The following PDZRN3 variants were observed in gnomAD, a reference collection of about 807,000 sequenced individuals.
PDZRN3 encodes the protein E3 ubiquitin-protein ligase PDZRN3.
Under a neutral mutation model 85.7 loss-of-function variants are expected in PDZRN3, and 38 were observed. That is an observed-to-expected ratio of 0.44 (90% CI 0.34 to 0.58). The LOEUF (loss-of-function observed/expected upper bound fraction) is 0.58. Ranked by LOEUF, PDZRN3 falls within the 20% of genes least tolerant of loss-of-function variation. The pLI is 0.01. For synonymous variants in PDZRN3, 759 were observed against 638.0 expected (o/e 1.19, Z -2.86); for missense variants, 1,629 against 1,506.4 (o/e 1.08, Z -1.35).
At position 73,383,762 on chromosome 3, in the gene PDZRN3, T is replaced by TTGGTGATG. The variant is rs1356578542; in HGVS notation, c.2796_2803dup (p.Lys935ThrfsTer17). 6.2e-7 allele frequency: 1 copy of TTGGTGATG among 1,613,002 alleles called. No individual in the cohort carries two copies. On this transcript the variant is annotated frameshift_variant, in exon 10 of 10. Transcript: ENST00000263666. LOFTEE classifies it high-confidence loss of function. Reference sequence around the variant, plus strand: ...CAGCAGGCGGTCCCGCACGGGCCTCTTGGTGATGTAGCGCGTCCCGTCGCT... The same window carrying TTGGTGATG: ...CAGCAGGCGGTCCCGCACGGGCCTCTTGGTGATGTGGTGATGTAGCGCGTCCCGTCGCT...
chr3:73,502,341 G>A (rs933867076), intron 3 of PDZRN3, among the ~76,000 whole-genome samples: 1 of 152,134 alleles, frequency 6.6e-6, no homozygotes, highest in Non-Finnish European at 1.5e-5. Flanking sequence ...AAAATGATAG[G>A]TTTTTATTTT....
intron 2 of PDZRN3, among the ~76,000 whole-genome samples, chr3:73,602,944 T>C (rs1702537442): frequency 6.6e-6 from 1 of 152,200 alleles, no homozygotes; most frequent in African/African-American, 2.4e-5. Flanking sequence ...TAAACACTGT[T>C]TTCATTTGCT....
chr3:73,599,333 A>G (rs558016421), intron 3 of PDZRN3, among the ~76,000 whole-genome samples: 2 of 152,372 alleles, frequency 1.3e-5, no homozygotes, highest in East Asian at 3.9e-4. Flanking sequence ...GCTAACTGAA[A>G]TAAGCCAGTC....
intron 3 of PDZRN3, among the ~76,000 whole-genome samples, chr3:73,452,445 C>T (rs1702882145): frequency 6.6e-6 from 1 of 152,152 alleles, no homozygotes; most frequent in Non-Finnish European, 1.5e-5. Context: ...TAGGAATATA[C>T]TTTTTAACTT....
chr3:73,424,367 C>CAAAAAAAAAAAA (rs66466551), intron 3 of PDZRN3, among the ~76,000 whole-genome samples: 4 of 54,872 alleles, frequency 7.3e-5, no homozygotes, highest in African/African-American at 3.0e-4. Flanking sequence ...CCGTCTCTAC[C>CAAAAAAAAAAAA]AAAAAAAAAA....
At chr3:73,433,410 C>T (rs1160525458) in intron 3 of PDZRN3, among the ~76,000 whole-genome samples, 1 of 152,208 alleles carries the variant, frequency 6.6e-6, no homozygotes, top group East Asian at 1.9e-4. Flanking sequence ...CATTTTATGA[C>T]CATCAACATC....
chr3:73,493,311 A>G (rs1703808088), intron 3 of PDZRN3, among the ~76,000 whole-genome samples: 1 of 152,084 alleles, frequency 6.6e-6, no homozygotes, highest in Non-Finnish European at 1.5e-5. Context: ...ATTCCCTAGC[A>G]CCTGACTGAA....
At chr3:73,393,564 T>C (rs1253186893) in intron 5 of PDZRN3, among the ~76,000 whole-genome samples, 2 of 152,192 alleles carry the variant, frequency 1.3e-5, no homozygotes, top group African/African-American at 4.8e-5. Context: ...TCACACACAG[T>C]AGGACCGTGT....
chr3:73,532,344 C>A (rs1704678496), intron 3 of PDZRN3, among the ~76,000 whole-genome samples: 1 of 152,146 alleles, frequency 6.6e-6, no homozygotes, highest in Non-Finnish European at 1.5e-5. Flanking sequence ...CAATAAAACT[C>A]TTCTTTGATG....
chr3:73,584,487 GTGTGTGTGTGTGTA>G (rs879489675), intron 3 of PDZRN3, among the ~76,000 whole-genome samples: 9,300 of 39,218 alleles, frequency 0.24, 340 homozygotes, highest in Middle Eastern at 0.41. Context: ...GTGTGTGTGT[GTGTGTGTGTGTGTA>G]TGCATATGCG....
intron 3 of PDZRN3, among the ~76,000 whole-genome samples, chr3:73,471,829 T>C (rs1037127360): frequency 1.1e-4 from 16 of 152,232 alleles, no homozygotes; most frequent in Non-Finnish European, 8.8e-5. Context: ...TTGTAAAATA[T>C]CACATCTTAG....
At chr3:73,405,401 C>T (rs1311283188) in intron 3 of PDZRN3, among the ~76,000 whole-genome samples, 2 of 152,282 alleles carry the variant, frequency 1.3e-5, no homozygotes, top group East Asian at 3.9e-4. Flanking sequence ...AACAAAGGAA[C>T]TATGTTCAGG....
chr3:73,404,903 C>T (rs1701823383), intron 3 of PDZRN3, among the ~76,000 whole-genome samples: 1 of 152,142 alleles, frequency 6.6e-6, no homozygotes, highest in Non-Finnish European at 1.5e-5. Flanking sequence ...CAGTTCAGGC[C>T]ATAGCGGCAT....
intron 3 of PDZRN3, among the ~76,000 whole-genome samples, chr3:73,512,288 C>T (rs555123329): frequency 1.8e-4 from 28 of 152,236 alleles, no homozygotes; most frequent in Non-Finnish European, 3.2e-4. Flanking sequence ...CTGTGCACCA[C>T]TAGGAACGCA....
At chr3:73,553,872 C>T (rs988766941) in intron 3 of PDZRN3, among the ~76,000 whole-genome samples, 8 of 152,138 alleles carry the variant, frequency 5.3e-5, no homozygotes, top group East Asian at 3.9e-4. Context: ...TGCTGGAATA[C>T]GCATGGCACA....
At chr3:73,568,971 C>T (rs770693556) in intron 3 of PDZRN3, among the ~76,000 whole-genome samples, 6 of 152,190 alleles carry the variant, frequency 3.9e-5, no homozygotes, top group Admixed American at 6.6e-5. Context: ...TAGAGCCTTG[C>T]TGAAATTGTT....
At chr3:73,385,869 G>C (rs979533852) in intron 8 of PDZRN3, 84 bp from the exon 9 acceptor site, 2 of 810,000 alleles carry the variant, frequency 2.5e-6, no homozygotes, top group African/African-American at 3.4e-5. Context: ...ATTACCTTGG[G>C]GGAAAATATT....
chr3:73,460,784 T>A (rs1188886989), intron 3 of PDZRN3, among the ~76,000 whole-genome samples: 2 of 151,932 alleles, frequency 1.3e-5, no homozygotes, highest in South Asian at 4.2e-4. Context: ...AACACAGAGA[T>A]TTGTTTTTTA....
chr3:73,575,914 C>G (rs1702116468), intron 3 of PDZRN3, among the ~76,000 whole-genome samples: 1 of 152,006 alleles, frequency 6.6e-6, no homozygotes, highest in African/African-American at 2.4e-5. Context: ...ACTGCCAAAA[C>G]TTAGAGTCAC....
Sources: allele counts gnomAD v4.1 joint callset (sites outside exome capture counted in the v4.1 genomes callset), GRCh38; gene constraint gnomAD v4.1.1; transcripts MANE v1.5; gene names NCBI Gene and HGNC (gene_info 2026-07-23, HGNC 2026-07-21).